Variants in LMBRD2 observed in about 807,000 individuals in gnomAD.
The protein encoded by LMBRD2 is G protein-coupled receptor-associated protein LMBRD2.
Under a neutral mutation model 94.4 loss-of-function variants are expected in LMBRD2, and 55 were observed. The ratio of observed to expected loss-of-function variants is 0.58; its 90% CI spans 0.47 to 0.73. The LOEUF is 0.73. Ranked by LOEUF, LMBRD2 falls within the 30% of genes least tolerant of loss-of-function variation. The pLI is 0.00. For synonymous variants in LMBRD2, 246 were observed against 272.4 expected (o/e 0.90, Z 0.95); for missense variants, 640 against 831.9 (o/e 0.77, Z 2.84).
At chr5:36,131,440 C>T (rs1744150151) in intron 6 of LMBRD2, among the ~76,000 whole-genome samples, 1 of 152,094 alleles carries the variant, frequency 6.6e-6, no homozygotes. Flanking sequence ...CAAGGATGCC[C>T]ACTTTCACCA....
At chr5:36,133,982 A>G (rs1215011879) in intron 6 of LMBRD2, among the ~76,000 whole-genome samples, 2 of 152,050 alleles carry the variant, frequency 1.3e-5, no homozygotes, top group African/African-American at 2.4e-5. Context: ...TTTAATACCA[A>G]CTTTTGGATG....
rs976321713 is a variant in LMBRD2, at chr5:36,104,185, G to A, written c.2028-79C>T. ...AGAGGAAAACAAGAATACATTAAAA[G>A]GGAGTGGCCATATAATTTGTAAGTA... On this transcript the variant is annotated intron_variant, in intron 17 of 17. Coordinates refer to ENST00000296603, the MANE Select transcript of LMBRD2 (RefSeq NM_001007527.2). 80 of 1,106,300 alleles carry A rather than the reference G, an allele frequency of 7.2e-5. No individual in the cohort carries two copies. In the Middle Eastern group the frequency reaches 7.9e-4, roughly 11 times the overall value. The allele number at this position is 1,106,300 out of a possible 1,614,324, so 68.5% of individuals were successfully genotyped here. A position where few individuals can be genotyped will look rare whatever the true frequency, so the allele number is the denominator to read the frequency against.
Position 36,102,085 on chromosome 5 carries a change from G to A in LMBRD2, c.*1961C>T, listed in dbSNP as rs1056170627. The A allele has an allele frequency of 6.6e-6, 1 of 151,892 alleles. No individual in the cohort carries two copies. The highest frequency in any genetic ancestry group is 1.5e-5 in the Non-Finnish European group (1 of 67,856). The allele number at this position is 151,892 out of a possible 1,614,324, so 9.4% of individuals were successfully genotyped here. On this transcript the variant is annotated 3_prime_UTR_variant, in exon 18 of 18. Transcript: ENST00000296603. Reference sequence around the variant, plus strand: ...ACACTACTTTCACAGGACTTTTGATGAATTAGTCCAAAAGCGTTTTTGCTT... The same window carrying A: ...ACACTACTTTCACAGGACTTTTGATAAATTAGTCCAAAAGCGTTTTTGCTT...
intron 6 of LMBRD2, among the ~76,000 whole-genome samples, chr5:36,129,629 A>C (rs182347466): frequency 2.0e-4 from 30 of 152,330 alleles, no homozygotes; most frequent in Middle Eastern, 6.8e-3. Context: ...CTTCGATCTG[A>C]AAGAAAAGGA....
At chr5:36,108,872 CT>C (rs932596630) in intron 15 of LMBRD2, among the ~76,000 whole-genome samples, 2 of 152,050 alleles carry the variant, frequency 1.3e-5, no homozygotes, top group African/African-American at 4.8e-5. Flanking sequence ...TTTTTGCTAA[CT>C]TTGGTTGTTA....
chr5:36,140,337 C>T (rs1410114398), intron 4 of LMBRD2, among the ~76,000 whole-genome samples: 1 of 152,212 alleles, frequency 6.6e-6, no homozygotes, highest in East Asian at 1.9e-4. Context: ...CCTGGCTCGC[C>T]CTTGGGAGTC....
chr5:36,128,399 G>T (rs114557429), intron 6 of LMBRD2, among the ~76,000 whole-genome samples: 2,520 of 152,270 alleles, frequency 0.017, 72 homozygotes, highest in African/African-American at 0.058. Flanking sequence ...AGCCCATCCA[G>T]AAAAACATGA....
intron 6 of LMBRD2, 35 bp from the exon 7 acceptor site, chr5:36,124,300 A>G (rs1442331053): frequency 2.4e-6 from 3 of 1,229,244 alleles, no homozygotes; most frequent in Non-Finnish European, 3.6e-6. Context: ...AAATATTTCC[A>G]TTTCTACAGA....
intron 6 of LMBRD2, among the ~76,000 whole-genome samples, chr5:36,130,834 CA>C (rs1357641360): frequency 6.6e-6 from 1 of 152,042 alleles, no homozygotes; most frequent in East Asian, 1.9e-4. Context: ...GTAATAAAAT[CA>C]AAGTCATAAT....
intron 10 of LMBRD2, 115 bp from the exon 11 acceptor site, chr5:36,116,708 G>A (rs1445161221): frequency 2.4e-5 from 24 of 1,001,182 alleles, no homozygotes; most frequent in East Asian, 1.1e-4. Context: ...ATGGAGTCTC[G>A]CCCTGTCACC....
chr5:36,124,186 A>G lies in LMBRD2; in HGVS notation c.822+5T>C, dbSNP rs751949228. Reference sequence around the variant, plus strand: ...AAAAGGAAACAGACAAGATGATTTCATTACCTTTTTAAGTATTGTATCAAC... The same window carrying G: ...AAAAGGAAACAGACAAGATGATTTCGTTACCTTTTTAAGTATTGTATCAAC... On this transcript the variant is annotated splice_donor_5th_base_variant and intron_variant, in intron 7 of 17. Transcript: ENST00000296603. 3.3e-6 allele frequency: 5 copies of G among 1,493,210 alleles called. No homozygotes were observed. Among genetic ancestry groups the G allele is most frequent in the Non-Finnish European group, 4.6e-6 (5 of 1,075,790 alleles). 92.5% of individuals were successfully genotyped at this position (1,493,210 alleles called of 1,614,324 possible).
At chr5:36,123,692 TAA>T (rs1344188563) in intron 7 of LMBRD2, among the ~76,000 whole-genome samples, 7 of 150,338 alleles carry the variant, frequency 4.7e-5, no homozygotes, top group Non-Finnish European at 5.9e-5. Context: ...TAAATATAGT[TAA>T]GTTTATTATA....
intron 16 of LMBRD2, among the ~76,000 whole-genome samples, chr5:36,107,868 GTAC>G (rs1743509276): frequency 3.3e-5 from 5 of 152,100 alleles, no homozygotes; most frequent in African/African-American, 1.2e-4. Context: ...TAAACCCTGT[GTAC>G]TGAAGCCTCA....
intron 4 of LMBRD2, 42 bp from the exon 5 acceptor site, chr5:36,137,483 GAT>G (rs767651700): frequency 1.6e-5 from 22 of 1,343,168 alleles, no homozygotes; most frequent in Non-Finnish European, 2.3e-5. Flanking sequence ...CCAAATAATT[GAT>G]ATGTCTGTAT....
chr5:36,109,447 A>G (rs1224734156), intron 15 of LMBRD2, among the ~76,000 whole-genome samples: 1 of 152,074 alleles, frequency 6.6e-6, no homozygotes, highest in East Asian at 1.9e-4. Context: ...TTGCCAGTAT[A>G]TACACCCATT....
intron 1 of LMBRD2, among the ~76,000 whole-genome samples, chr5:36,144,355 T>C (rs186060824): frequency 2.6e-5 from 4 of 152,302 alleles, no homozygotes; most frequent in East Asian, 1.9e-4. Context: ...AATTGATTAA[T>C]ATCCTAACAC....
chr5:36,125,514 A>G (rs1242782880), intron 6 of LMBRD2, among the ~76,000 whole-genome samples: 1 of 152,220 alleles, frequency 6.6e-6, no homozygotes, highest in Non-Finnish European at 1.5e-5. Context: ...AATGTCTAAA[A>G]AGATATCTGA....
At chr5:36,141,587 T>A (rs991049775) in intron 3 of LMBRD2, among the ~76,000 whole-genome samples, 1 of 146,102 alleles carries the variant, frequency 6.8e-6, no homozygotes, top group African/African-American at 2.4e-5. Flanking sequence ...TAGGTTGGGT[T>A]TTTTTTTTTT....
Position 36,108,658 on chromosome 5 carries a change from T to C in LMBRD2, c.1792-19A>G. 8.5e-7 allele frequency: 1 copy of C among 1,183,056 alleles called. No individual in the cohort carries two copies. The highest frequency in any genetic ancestry group is 2.4e-5 in the East Asian group (1 of 41,318). The allele number at this position is 1,183,056 out of a possible 1,614,324, so 73.3% of individuals were successfully genotyped here. ...TCCATTCCTAGAAAAGAAGCACAAA[T>C]AATCATATAATAGAACAGAAAATAA... On this transcript the variant is annotated intron_variant, in intron 15 of 17. Coordinates refer to ENST00000296603, the MANE Select transcript of LMBRD2 (RefSeq NM_001007527.2).
Sources: gnomAD v4.1 joint callset for allele counts (sites outside exome capture counted in the v4.1 genomes callset) on GRCh38, gnomAD v4.1.1 for gene constraint, MANE v1.5 for transcripts, NCBI Gene and HGNC (gene_info 2026-07-23, HGNC 2026-07-21) for gene names.